Variants in PRKD3 observed in about 807,000 individuals in gnomAD.
PRKD3 encodes the protein protein kinase D3, also known as serine/threonine-protein kinase D3.
In PRKD3, 47 loss-of-function variants were observed where a neutral mutation model predicts 99.2. That is an observed-to-expected ratio of 0.47 (90% CI 0.38 to 0.60). The LOEUF is 0.60. PRKD3 is among the 20% of genes least tolerant of loss of function. The pLI is 0.00. For synonymous variants in PRKD3, 392 were observed against 355.4 expected, an observed-to-expected ratio of 1.10 and a Z score of -1.16; for missense variants, 1,019 against 1,088.4, an observed-to-expected ratio of 0.94 and a Z score of 0.90.
At chr2:37,300,799 T>C (rs541099408) in intron 2 of PRKD3, among the ~76,000 whole-genome samples, 1 of 152,336 alleles carries the variant, frequency 6.6e-6, no homozygotes, top group Non-Finnish European at 1.5e-5. Flanking sequence ...TTTTTGAGTC[T>C]GAATATGAGA....
chr2:37,321,829 A>G (rs1671895820), intron 1 of PRKD3, among the ~76,000 whole-genome samples: 1 of 152,172 alleles, frequency 6.6e-6, no homozygotes, highest in Non-Finnish European at 1.5e-5. Context: ...AGCAAGAGTC[A>G]ACGATGCAAA....
rs1358742228 is a variant in PRKD3 at position 37,289,370 on chromosome 2, G to A, written c.703C>T (p.Leu235Phe). ...AGAATACGTACCTCTTCACTGGGAA[G>A]GGCTACATATTCAGGCTGTAGGGGT... ...PRPLQPEYVA[L>F]PSEESHVHQE... Residue 235 changes from leucine (L) to phenylalanine (F), a missense_variant, in exon 5 of 19, where the codon CTT becomes TTT. Transcript: ENST00000234179. The A allele has an allele frequency of 1.9e-6, 3 of 1,613,932 alleles. No individual in the cohort carries two copies. The highest frequency in any genetic ancestry group is 2.5e-6 in the Non-Finnish European group (3 of 1,179,962).
At chr2:37,287,422 CT>C (rs1670175369) in intron 5 of PRKD3, among the ~76,000 whole-genome samples, 1 of 151,080 alleles carries the variant, frequency 6.6e-6, no homozygotes, top group Non-Finnish European at 1.5e-5. Context: ...TTGCACTTCT[CT>C]GTCTCTTGTT....
chr2:37,277,311 T>C (rs1441179459), intron 9 of PRKD3, among the ~76,000 whole-genome samples: 1 of 152,176 alleles, frequency 6.6e-6, no homozygotes, highest in East Asian at 1.9e-4. Context: ...TAAGTAACTT[T>C]CCCAAGTTCA....
At chr2:37,319,546 T>G (rs776908904) in intron 1 of PRKD3, among the ~76,000 whole-genome samples, 4 of 152,156 alleles carry the variant, frequency 2.6e-5, no homozygotes, top group Admixed American at 6.5e-5. Context: ...GGGAAATGCT[T>G]ACTTGTAAGC....
chr2:37,300,877 G>A (rs1011101275), intron 2 of PRKD3, among the ~76,000 whole-genome samples: 1 of 152,134 alleles, frequency 6.6e-6, no homozygotes, highest in African/African-American at 2.4e-5. Context: ...CTGCCAAATT[G>A]CTCTTTATGG....
At chr2:37,315,179 T>G (rs1225352491) in intron 2 of PRKD3, among the ~76,000 whole-genome samples, 1 of 152,206 alleles carries the variant, frequency 6.6e-6, no homozygotes, top group African/African-American at 2.4e-5. Flanking sequence ...CATTAAAATC[T>G]ACTAAAAATA....
At position 37,317,006 on chromosome 2, in the gene PRKD3, A is replaced by G. The variant is rs1671696752; in HGVS notation, c.-482T>C. 2.0e-6 allele frequency: 2 copies of G among 986,946 alleles called. No individual in the cohort carries two copies. The highest frequency in any genetic ancestry group is 3.5e-5 in the African/African-American group (2 of 57,240). The allele number at this position is 986,946 out of a possible 1,614,324, so 61.1% of individuals were successfully genotyped here. A position where few individuals can be genotyped will look rare whatever the true frequency, so the allele number is the denominator to read the frequency against. On this transcript the variant is annotated 5_prime_UTR_variant, in exon 2 of 19. Transcript: ENST00000234179. ...TCCTTTGGTTTACTAATTTGATAGG[A>G]CACCTTCTCAAATGTCCACACCTTA...
At chr2:37,274,823 T>A (rs1362943856) in intron 10 of PRKD3, 126 bp from the exon 11 acceptor site, 2 of 917,006 alleles carry the variant, frequency 2.2e-6, no homozygotes, top group Non-Finnish European at 3.2e-6. Context: ...ATGCAACATT[T>A]AATACACAGT....
rs201608418 is a variant in PRKD3 at position 37,290,952 on chromosome 2, C to T, written c.475G>A (p.Val159Ile). 1 of 1,607,796 alleles carries T rather than the reference C, an allele frequency of 6.2e-7. No individual in the cohort carries two copies. Among genetic ancestry groups the T allele is most frequent in the African/African-American group, 1.3e-5 (1 of 74,898 alleles). The change falls in exon 4 of 19, where the codon GTA becomes ATA. Residue 159 changes from valine (V) to isoleucine (I), a missense_variant. This residue lies in a region of PRKD3 where 710 missense variants were observed against 692.7 expected (regional missense o/e 1.02). Coordinates refer to ENST00000234179, the MANE Select transcript of PRKD3 (RefSeq NM_005813.6). ...AAAGTAGGAGCTTTGTAAGAATGTA[C>T]ATAGAGAGTATGTGGACGAATCTGG... ...DFQIRPHTLYVHSYKAPTFCD... is the reference protein window; with the variant it reads ...DFQIRPHTLYIHSYKAPTFCD...
At chr2:37,266,633 T>C (rs1392655130) in intron 14 of PRKD3, among the ~76,000 whole-genome samples, 10 of 152,090 alleles carry the variant, frequency 6.6e-5, no homozygotes, top group Non-Finnish European at 1.0e-4. Flanking sequence ...ATTATGGGCA[T>C]GCGCCACCGT....
At chr2:37,281,614 C>T (rs1389381652) in intron 7 of PRKD3, among the ~76,000 whole-genome samples, 2 of 152,098 alleles carry the variant, frequency 1.3e-5, no homozygotes, top group Admixed American at 6.5e-5. Context: ...TGCCAGTGCC[C>T]TGGACTTCCC....
chr2:37,311,190 C>G (rs988325143), intron 2 of PRKD3, among the ~76,000 whole-genome samples: 1 of 152,172 alleles, frequency 6.6e-6, no homozygotes, highest in African/African-American at 2.4e-5. Context: ...CCAGCAAAAG[C>G]TTATTTCTCC....
chr2:37,257,077 A>G, intron 16 of PRKD3, 148 bp from the exon 17 acceptor site: 1 of 956,140 alleles, frequency 1.0e-6, no homozygotes, highest in East Asian at 2.6e-5. Flanking sequence ...AAATTGTAAA[A>G]TATCCTTTTC....
chr2:37,255,129 A>T (rs1558519903), intron 17 of PRKD3, among the ~76,000 whole-genome samples: 1 of 152,242 alleles, frequency 6.6e-6, no homozygotes, highest in Non-Finnish European at 1.5e-5. Context: ...TCTACAGAAC[A>T]CACTGCCTCA....
intron 6 of PRKD3, among the ~76,000 whole-genome samples, chr2:37,283,705 G>A (rs917697188): frequency 6.6e-6 from 1 of 152,054 alleles, no homozygotes; most frequent in African/African-American, 2.4e-5. Flanking sequence ...TGAAAACTCA[G>A]GCCGGGTGCA....
chr2:37,323,351 A>G (rs1671963733), intron 1 of PRKD3, among the ~76,000 whole-genome samples: 1 of 151,876 alleles, frequency 6.6e-6, no homozygotes, highest in African/African-American at 2.4e-5. Flanking sequence ...AGAACCGAGG[A>G]TGGAACCTGG....
chr2:37,286,835 C>G (rs1475876183), intron 5 of PRKD3, among the ~76,000 whole-genome samples: 4 of 152,048 alleles, frequency 2.6e-5, no homozygotes, highest in Non-Finnish European at 5.9e-5. Flanking sequence ...ATGGCAGATA[C>G]AAAACTAATT....
chr2:37,289,212 TC>T, intron 5 of PRKD3, 143 bp downstream of exon 5: 3 of 998,030 alleles, frequency 3.0e-6, no homozygotes, highest in Non-Finnish European at 4.3e-6. Flanking sequence ...AAGTCCTGTC[TC>T]CATTACTACA....
Sources: allele counts gnomAD v4.1 joint callset (sites outside exome capture counted in the v4.1 genomes callset), GRCh38; gene constraint gnomAD v4.1.1; regional missense constraint gnomAD v4.1.1; transcripts MANE v1.5; gene names NCBI Gene and HGNC (gene_info 2026-07-23, HGNC 2026-07-21).